The following CCDC106 variants were observed in gnomAD, a reference collection of about 807,000 sequenced individuals.
CCDC106 encodes the protein coiled-coil domain-containing protein 106.
CCDC106 carries 17 observed loss-of-function variants against 24.7 expected under a neutral mutation model. The ratio of observed to expected loss-of-function variants is 0.69; its 90% CI spans 0.47 to 1.03. The LOEUF is 1.03. Ranked by LOEUF, CCDC106 falls within the 50% of genes least tolerant of loss-of-function variation. CCDC106 has a pLI of 0.00. For synonymous variants in CCDC106, 211 were observed against 161.3 expected, an observed-to-expected ratio of 1.31 and a Z score of -2.34; for missense variants, 337 against 388.9, an observed-to-expected ratio of 0.87 and a Z score of 1.12.
In CCDC106 at chr19:55,648,952, C is replaced by A; in HGVS notation, c.-95C>A. 1 of 1,246,222 alleles carries A rather than the reference C, an allele frequency of 8.0e-7. No individual in the cohort carries two copies. The highest frequency in any genetic ancestry group is 1.2e-6 in the Non-Finnish European group (1 of 849,456). 77.2% of individuals were successfully genotyped at this position (1,246,222 alleles called of 1,614,324 possible). On this transcript the variant is annotated 5_prime_UTR_variant, in exon 1 of 5. Transcript: ENST00000586790. ...CTCACTTCACCTCCCCCAGGATGGA[C>A]CCTCCAGTCCATCTGCGTCTCTCCA...
At chr19:55,651,199 C>A in intron 3 of CCDC106, 84 bp from the exon 4 acceptor site, 1 of 1,062,242 alleles carries the variant, frequency 9.4e-7, no homozygotes, top group Non-Finnish European at 1.5e-6. Context: ...GGATCCAGTT[C>A]GGGGACTGCA....
Position 55,651,361 on chromosome 19 carries a change from A to C in CCDC106, c.392A>C (p.Asp131Ala). The C allele has an allele frequency of 6.2e-7, 1 of 1,612,658 alleles. No homozygotes were observed. Among genetic ancestry groups the C allele is most frequent in the South Asian group, 1.1e-5 (1 of 90,976 alleles). Residue 131 changes from aspartate to alanine, a missense_variant, in exon 4 of 5, where the codon GAC (aspartate) becomes GCC (alanine). Asp to Ala is a moderately radical substitution (Grantham distance 126). Transcript: ENST00000586790. ...SRGGAGGEAS[D>A]PESAASSLSG... is the part of the protein sequence containing the mutation. ...GGTGGGGCTGGGGGCGAGGCCTCGG[A>C]CCCTGAGTCAGCAGCCTCCTCCCTC... is the stretch of plus-strand genomic sequence containing the variant.
rs1221674274 is a variant in CCDC106, at chr19:55,648,940, C to T, written c.-107C>T. The T allele has an allele frequency of 9.0e-7, 1 of 1,117,290 alleles. No individual in the cohort carries two copies. 69.2% of individuals were successfully genotyped at this position (1,117,290 alleles called of 1,614,324 possible). A position where few individuals can be genotyped will look rare whatever the true frequency, so the allele number is the denominator to read the frequency against. ...GGTCCCTCCTGTCTCACTTCACCTC[C>T]CCCAGGATGGACCCTCCAGTCCATC... On this transcript the variant is annotated 5_prime_UTR_variant, in exon 1 of 5. Transcript: ENST00000586790.
At chr19:55,650,547 T>A (rs636467) in intron 3 of CCDC106, among the ~76,000 whole-genome samples, 149,788 of 152,238 alleles carry the variant, frequency 0.98, 73,702 homozygotes, top group African/African-American at 1. Flanking sequence ...TCCCCAAAAA[T>A]CCTAGGCAAG....
chr19:55,651,404 A>G lies in CCDC106; in HGVS notation c.435A>G (p.Glu145=), dbSNP rs748969572. Residue 145 remains glutamate (E), a synonymous_variant, in exon 4 of 5, where the codon GAA becomes GAG. Coordinates refer to ENST00000586790, the MANE Select transcript of CCDC106 (RefSeq NM_001370470.1). The part of the protein sequence containing the change: ...AASSLSGASE[E]GSASERRRQK... ...CCTCCCTCAGCGGAGCGTCCGAAGAAGGCAGCGCCAGTGAGAGGAGGCGGC... is the reference window on the plus strand; with the variant it reads ...CCTCCCTCAGCGGAGCGTCCGAAGAGGGCAGCGCCAGTGAGAGGAGGCGGC... The G allele has an allele frequency of 1.7e-5, 28 of 1,611,004 alleles. No homozygotes were observed. In the Admixed American group the frequency reaches 4.7e-4, roughly 27 times the overall value.
chr19:55,651,893 C>A (rs1983315584), intron 4 of CCDC106, among the ~76,000 whole-genome samples: 4 of 152,202 alleles, frequency 2.6e-5, no homozygotes, highest in Admixed American at 2.6e-4. Flanking sequence ...GGATCTCCTG[C>A]CCTCGTGATC....
rs2123654751 is a variant in CCDC106 at position 55,652,175 on chromosome 19, C to A, written c.527-255C>A. On this transcript the variant is annotated intron_variant, in intron 4 of 4. Coordinates refer to ENST00000586790, the MANE Select transcript of CCDC106 (RefSeq NM_001370470.1). This position sits in a 1 kb window ranked among gnomAD's most constrained non-coding sequence, Gnocchi z 5.9. ...TGGGACCGCGTGGGTTGAACCCGGC[C>A]TCTTGGCTCATTTTGTCTCCTCACT... is the stretch of plus-strand genomic sequence containing the variant. 6.6e-6 allele frequency among the ~76,000 whole-genome samples: 1 copy of A among 152,126 alleles called. No homozygotes were observed. The highest frequency in any genetic ancestry group is 2.1e-4 in the South Asian group (1 of 4,820).
At chr19:55,647,753 C>G (rs1044766867), upstream of CCDC106, among the ~76,000 whole-genome samples, 1 of 152,100 alleles carries the variant, frequency 6.6e-6, no homozygotes, top group African/African-American at 2.4e-5. Flanking sequence ...ACCTTGGGGT[C>G]TGGCTGTAGG....
chr19:55,649,331 G>A (rs752965865), intron 2 of CCDC106, 22 bp downstream of exon 2: 79 of 1,612,220 alleles, frequency 4.9e-5, no homozygotes, highest in Non-Finnish European at 6.5e-5. Context: ...GGGTGTGGAG[G>A]GACTGGAGTC....
intron 4 of CCDC106, 100 bp downstream of exon 4, chr19:55,651,595 T>C: frequency 1.2e-6 from 1 of 830,788 alleles, no homozygotes; most frequent in Non-Finnish European, 1.9e-6. Flanking sequence ...CCCTCCAGCC[T>C]TGCTGGAGAA....
Position 55,651,447 on chromosome 19 carries a change from G to A in CCDC106, c.478G>A (p.Ala160Thr), listed in dbSNP as rs1215761409. The change falls in exon 4 of 5, where the codon GCT becomes ACT. Residue 160 changes from alanine to threonine, a missense_variant. Ala to Thr is a moderately conservative substitution (Grantham distance 58). Transcript: ENST00000586790. ...ERRRQKQKGG[A>T]SRRRFGKPKA... ...GAGGCGGCAGAAGCAGAAGGGAGGT[G>A]CTAGTCGGAGGCGCTTTGGGAAGCC... is the stretch of plus-strand genomic sequence containing the variant. The A allele has an allele frequency of 6.2e-7, 1 of 1,602,080 alleles. No individual in the cohort carries two copies. The highest frequency in any genetic ancestry group is 8.5e-7 in the Non-Finnish European group (1 of 1,175,302).
In CCDC106 at chr19:55,653,111, G is replaced by C. The variant is rs144516964; in HGVS notation, c.*365G>C. On this transcript the variant is annotated 3_prime_UTR_variant, in exon 5 of 5. Transcript: ENST00000586790. ...CCTCCCCAACTCCGCGTGAGACAGA[G>C]AATTATTCAGATAATTTAAATTAAA... The C allele has an allele frequency of 3.5e-3, 649 of 186,082 alleles. 11 individuals carry two copies. The highest frequency in any genetic ancestry group is 0.014 in the African/African-American group (611 of 42,582). 11.5% of individuals were successfully genotyped at this position (186,082 alleles called of 1,614,324 possible). A position where few individuals can be genotyped will look rare whatever the true frequency, so the allele number is the denominator to read the frequency against.
Position 55,648,921 on chromosome 19 carries a change from TC to T in CCDC106, c.-124del. ...CCAGGGGTCCAGGCCAGAAGGTCCC[TC>T]CTGTCTCACTTCACCTCCCCCAGGA... On this transcript the variant is annotated 5_prime_UTR_variant, in exon 1 of 5. Transcript: ENST00000586790. 2.1e-6 allele frequency: 2 copies of T among 955,272 alleles called. No individual in the cohort carries two copies. Among genetic ancestry groups the T allele is most frequent in the Non-Finnish European group, 3.4e-6 (2 of 595,572 alleles). The allele number at this position is 955,272 out of a possible 1,614,324, so 59.2% of individuals were successfully genotyped here. A position where few individuals can be genotyped will look rare whatever the true frequency, so the allele number is the denominator to read the frequency against.
Position 55,652,724 on chromosome 19 carries a change from T to A in CCDC106, c.821T>A (p.Ile274Asn). 6.2e-7 allele frequency: 1 copy of A among 1,612,068 alleles called. No homozygotes were observed. The highest frequency in any genetic ancestry group is 1.1e-5 in the South Asian group (1 of 91,044). The change falls in exon 5 of 5, where the codon ATC (isoleucine) becomes AAC (asparagine). Residue 274 changes from isoleucine (I) to asparagine (N), a missense_variant. Transcript: ENST00000586790. This position sits in a 1 kb window ranked among gnomAD's most constrained non-coding sequence, Gnocchi z 5.9. ...ALKKSKLLLPITYRFKR is the reference protein window; with the variant it reads ...ALKKSKLLLPNTYRFKR Reference sequence around the variant, plus strand: ...AAGAAGAGCAAGCTGCTGCTGCCCATCACCTACCGCTTCAAGCGGTGATCG... The same window carrying A: ...AAGAAGAGCAAGCTGCTGCTGCCCAACACCTACCGCTTCAAGCGGTGATCG...
Position 55,648,974 on chromosome 19 carries a change from T to A in CCDC106, c.-73T>A. Reference sequence around the variant, plus strand: ...GGACCCTCCAGTCCATCTGCGTCTCTCCATTTGTGGCTGCCGTTTCTGTCC... The same window carrying A: ...GGACCCTCCAGTCCATCTGCGTCTCACCATTTGTGGCTGCCGTTTCTGTCC... On this transcript the variant is annotated 5_prime_UTR_variant, in exon 1 of 5. Coordinates refer to ENST00000586790, the MANE Select transcript of CCDC106 (RefSeq NM_001370470.1). The A allele has an allele frequency of 6.8e-7, 1 of 1,466,120 alleles. No individual in the cohort carries two copies. Among genetic ancestry groups the A allele is most frequent in the Non-Finnish European group, 9.5e-7 (1 of 1,047,720 alleles). 90.8% of individuals were successfully genotyped at this position (1,466,120 alleles called of 1,614,324 possible).
chr19:55,650,782 C>A (rs748424814), intron 3 of CCDC106, among the ~76,000 whole-genome samples: 8 of 152,212 alleles, frequency 5.3e-5, no homozygotes, highest in Non-Finnish European at 1.0e-4. Context: ...CCTCCCCTAA[C>A]CCGCCTTCTA....
intron 4 of CCDC106, 45 bp downstream of exon 4, chr19:55,651,540 G>A: frequency 1.5e-6 from 2 of 1,318,116 alleles, no homozygotes; most frequent in Non-Finnish European, 2.1e-6. Flanking sequence ...CCGGGCTGCT[G>A]AATTGCTGTG....
At chr19:55,649,778 A>G in intron 3 of CCDC106, 194 bp downstream of exon 3, 1 of 599,014 alleles carries the variant, frequency 1.7e-6, no homozygotes, top group South Asian at 2.0e-5. Flanking sequence ...CATCCCCATG[A>G]ACTGTCTACT....
Position 55,652,756 on chromosome 19 carries a change from G to T in CCDC106, c.*10G>T, listed in dbSNP as rs1411333770. ...CCGCTTCAAGCGGTGATCGCACCAC[G>T]CCTCCGCGCCTCCACCCGGGCCTTC... On this transcript the variant is annotated 3_prime_UTR_variant, in exon 5 of 5. Transcript: ENST00000586790. The surrounding 1 kb of genome is among the most constrained non-coding windows in gnomAD (Gnocchi z 5.9). 1.3e-6 allele frequency: 2 copies of T among 1,594,836 alleles called. No homozygotes were observed. Among genetic ancestry groups the T allele is most frequent in the Non-Finnish European group, 1.7e-6 (2 of 1,168,656 alleles).
Sources: allele counts gnomAD v4.1 joint callset (sites outside exome capture counted in the v4.1 genomes callset), GRCh38; gene constraint gnomAD v4.1.1; non-coding constraint Gnocchi (gnomAD v3.1); transcripts MANE v1.5; gene names NCBI Gene and HGNC (gene_info 2026-07-23, HGNC 2026-07-21).